TLL1: variants seen among roughly 807,000 people sequenced by gnomAD.
TLL1 encodes tolloid like 1, also known as tolloid-like protein 1.
A neutral mutation model predicts 128.2 loss-of-function variants in TLL1; 49 were observed. The observed-to-expected ratio is 0.38, with a 90% CI of 0.30 to 0.48. The LOEUF (loss-of-function observed/expected upper bound fraction) is 0.48, where lower values mean the gene tolerates loss of function less well. Among genes scored for constraint, TLL1 ranks in the 20% least tolerant of loss-of-function variants. TLL1 has a pLI of 0.96. For missense variants in TLL1, 1,123 were observed against 1,242.0 expected, an observed-to-expected ratio of 0.90 and a Z score of 1.44; for synonymous variants, 454 against 418.8, an observed-to-expected ratio of 1.08 and a Z score of -1.03.
At chr4:166,007,038 A>G (rs1322491670) in intron 6 of TLL1, among the ~76,000 whole-genome samples, 4 of 151,708 alleles carry the variant, frequency 2.6e-5, no homozygotes, top group African/African-American at 9.7e-5. Context: ...GAATTCCTTT[A>G]GCTCATCTTT....
chr4:166,100,831 A>T lies in TLL1; in HGVS notation c.2997A>T (p.Arg999Ser). 1.9e-6 allele frequency: 3 copies of T among 1,612,980 alleles called. No individual in the cohort carries two copies. Among genetic ancestry groups the T allele is most frequent in the Middle Eastern group, 1.7e-4 (1 of 6,048 alleles). ...DTINKKGFHI[R>S]YKSIRYPDTT... ...TCAACAAGAAGGGATTTCATATAAG[A>T]TACAAAAGCATAAGATATCCAGATA... Residue 999 changes from arginine (R) to serine (S), a missense_variant, in exon 21 of 21, where the codon AGA (arginine) becomes AGT (serine). Arg to Ser is a moderately radical substitution (Grantham distance 110, BLOSUM62 -1). Coordinates refer to ENST00000061240, the MANE Select transcript of TLL1 (RefSeq NM_012464.5).
chr4:166,077,315 G>C (rs1008498715), intron 17 of TLL1, among the ~76,000 whole-genome samples: 4 of 151,702 alleles, frequency 2.6e-5, no homozygotes, highest in Non-Finnish European at 5.9e-5. Context: ...AGGGCTAGTA[G>C]CTGTTCATTT....
intron 1 of TLL1, among the ~76,000 whole-genome samples, chr4:165,955,762 C>A (rs1376224524): frequency 6.6e-6 from 1 of 152,078 alleles, no homozygotes; most frequent in East Asian, 1.9e-4. Context: ...ACCATTAGAC[C>A]AGCCTTACAA....
chr4:165,962,226 C>CA lies in TLL1; in HGVS notation c.170-27149dup, dbSNP rs79219029. On this transcript the variant is annotated intron_variant, in intron 1 of 20. Coordinates refer to ENST00000061240, the MANE Select transcript of TLL1 (RefSeq NM_012464.5). ...TGCACAAGGAACTTAAATCCATAAA[C>CA]AAAAAATAAATAACTCCATTAATAT... 2.3e-3 allele frequency among the ~76,000 whole-genome samples: 345 copies of CA among 151,700 alleles called. 5 individuals are homozygous for CA. In the East Asian group the frequency reaches 0.043, roughly 19 times the overall value.
chr4:165,908,951 C>T (rs893180946), intron 1 of TLL1, among the ~76,000 whole-genome samples: 4 of 152,162 alleles, frequency 2.6e-5, no homozygotes, highest in African/African-American at 9.7e-5. Flanking sequence ...AATCCCAGCA[C>T]TTTAGGAGGC....
chr4:166,034,400 G>C (rs763502451), intron 9 of TLL1, among the ~76,000 whole-genome samples: 1 of 152,136 alleles, frequency 6.6e-6, no homozygotes, highest in Non-Finnish European at 1.5e-5. Context: ...GAGCACAATA[G>C]CAAGCAGTTA....
chr4:165,873,338 G>C lies in TLL1; in HGVS notation c.-567G>C, dbSNP rs1225125886. 6.5e-6 allele frequency: 1 copy of C among 153,674 alleles called. No homozygotes were observed. Among genetic ancestry groups the C allele is most frequent in the African/African-American group, 2.4e-5 (1 of 41,410 alleles). 9.5% of individuals were successfully genotyped at this position (153,674 alleles called of 1,614,324 possible). The stretch of plus-strand genomic sequence containing the variant: ...AGGTCTCGCGGCGTAGAAATGCCTG[G>C]CCCCCACCCCCTTCCTCGGTCTCCC... On this transcript the variant is annotated 5_prime_UTR_variant, in exon 1 of 21. Transcript: ENST00000061240.
intron 1 of TLL1, among the ~76,000 whole-genome samples, chr4:165,923,109 C>T (rs530750480): frequency 1.3e-5 from 2 of 152,150 alleles, no homozygotes; most frequent in Non-Finnish European, 1.5e-5. Flanking sequence ...GTTTAGGCCC[C>T]TCATGCCACC....
intron 12 of TLL1, among the ~76,000 whole-genome samples, chr4:166,050,330 T>C (rs1225778382): frequency 6.6e-6 from 1 of 152,198 alleles, no homozygotes; most frequent in Non-Finnish European, 1.5e-5. Flanking sequence ...ACATTTTATT[T>C]ATCCATTCAT....
intron 12 of TLL1, among the ~76,000 whole-genome samples, chr4:166,045,378 AC>A (rs1295304227): frequency 6.6e-6 from 1 of 152,140 alleles, no homozygotes; most frequent in Non-Finnish European, 1.5e-5. Flanking sequence ...TACCCAAGGA[AC>A]ATCCTTAATT....
intron 8 of TLL1, among the ~76,000 whole-genome samples, chr4:166,015,858 T>G (rs199803392): frequency 0.013 from 1,063 of 83,678 alleles, 6 homozygotes; most frequent in African/African-American, 0.036. Context: ...AGAAATTATG[T>G]TTTTTTTTTT....
chr4:166,055,056 C>T lies in TLL1; in HGVS notation c.1525-20C>T, dbSNP rs1402068409. On this transcript the variant is annotated intron_variant, in intron 12 of 20. Transcript: ENST00000061240. ...TTTTATCTATAAACATATATTTTCA[C>T]ATATTTTTTTCTGTTGCAGATTGAA... 1.2e-6 allele frequency: 2 copies of T among 1,600,508 alleles called. No homozygotes were observed. The highest frequency in any genetic ancestry group is 1.7e-5 in the Admixed American group (1 of 58,728).
intron 1 of TLL1, among the ~76,000 whole-genome samples, chr4:165,908,003 GT>G (rs1732349175): frequency 6.6e-6 from 1 of 152,226 alleles, no homozygotes; most frequent in Admixed American, 6.5e-5. Context: ...CACCACGGAA[GT>G]GCTTCACAAT....
intron 12 of TLL1, among the ~76,000 whole-genome samples, chr4:166,053,646 A>C (rs2111108987): frequency 6.6e-6 from 1 of 152,294 alleles, no homozygotes; most frequent in South Asian, 2.1e-4. Context: ...AAGGCAGAAA[A>C]CATATTTTTC....
At chr4:165,957,560 G>A (rs184824481) in intron 1 of TLL1, among the ~76,000 whole-genome samples, 3 of 151,710 alleles carry the variant, frequency 2.0e-5, no homozygotes, top group South Asian at 4.2e-4. Context: ...TTGGTTACAT[G>A]AGTAAGTTGT....
chr4:165,939,222 G>T (rs1733892810), intron 1 of TLL1, among the ~76,000 whole-genome samples: 3 of 151,834 alleles, frequency 2.0e-5, no homozygotes, highest in Admixed American at 6.6e-5. Context: ...TCTTGGTGTG[G>T]TTTTCTACTT....
chr4:165,950,014 G>T (rs933725710), intron 1 of TLL1, among the ~76,000 whole-genome samples: 2 of 152,112 alleles, frequency 1.3e-5, no homozygotes, highest in Admixed American at 1.3e-4. Flanking sequence ...AGGCCCAATT[G>T]TATGCTTTCT....
At chr4:165,937,761 T>C (rs528779327) in intron 1 of TLL1, among the ~76,000 whole-genome samples, 5 of 152,032 alleles carry the variant, frequency 3.3e-5, no homozygotes, top group Admixed American at 6.6e-5. Flanking sequence ...GTCCTTTATA[T>C]TGAAGGGTGT....
At chr4:166,042,928 G>A (rs1446686312) in intron 11 of TLL1, among the ~76,000 whole-genome samples, 1 of 152,000 alleles carries the variant, frequency 6.6e-6, no homozygotes, top group Non-Finnish European at 1.5e-5. Flanking sequence ...TTTTACCTGT[G>A]GTCGAAAGAC....
Sources: gnomAD v4.1 joint callset for allele counts (sites outside exome capture counted in the v4.1 genomes callset) on GRCh38, gnomAD v4.1.1 for gene constraint, MANE v1.5 for transcripts, NCBI Gene and HGNC (gene_info 2026-07-23, HGNC 2026-07-21) for gene names.